The following THUMPD2 variants were observed in gnomAD, a reference collection of about 807,000 sequenced individuals.
The protein encoded by THUMPD2 is THUMP domain 2 tRNA and snRNA guanosine methyltransferase.
THUMPD2 carries 56 observed loss-of-function variants against 49.4 expected under a neutral mutation model. That is an observed-to-expected ratio of 1.13 (90% CI 0.91 to 1.41). The LOEUF is 1.41. Among genes scored for constraint, THUMPD2 ranks in the 40% most tolerant of loss-of-function variants. THUMPD2 has a pLI of 0.00. For synonymous variants in THUMPD2, 237 were observed against 205.2 expected, an observed-to-expected ratio of 1.15 and a Z score of -1.32; for missense variants, 709 against 594.5, an observed-to-expected ratio of 1.19 and a Z score of -2.00.
At chr2:39,771,420 A>C in intron 2 of THUMPD2, 85 bp downstream of exon 2, 1 of 1,367,560 alleles carries the variant, frequency 7.3e-7, no homozygotes, top group Non-Finnish European at 9.9e-7. Flanking sequence ...TTAAAGTGTA[A>C]AATGGCTACA....
intron 5 of THUMPD2, among the ~76,000 whole-genome samples, 157 bp downstream of exon 5, chr2:39,765,900 C>T (rs527804543): frequency 2.0e-5 from 3 of 152,272 alleles, no homozygotes; most frequent in South Asian, 2.1e-4. Context: ...CACTAAGTTC[C>T]GTGAAAATAC....
At chr2:39,765,409 C>T (rs906959637) in intron 5 of THUMPD2, among the ~76,000 whole-genome samples, 2 of 152,048 alleles carry the variant, frequency 1.3e-5, no homozygotes, top group Non-Finnish European at 2.9e-5. Flanking sequence ...CTGCCTGCCT[C>T]GGCGTCCCAA....
intron 1 of THUMPD2, among the ~76,000 whole-genome samples, chr2:39,773,788 C>T (rs996714840): frequency 1.3e-5 from 2 of 151,820 alleles, no homozygotes; most frequent in African/African-American, 2.4e-5. Flanking sequence ...AAACCCAAAA[C>T]TGCAACATTA....
rs1218847619 is a variant in THUMPD2 at position 39,736,940 on chromosome 2, G to A, written c.1307C>T (p.Pro436Leu). Reference protein sequence around the residue: ...FNSKDSHTDEPGIKKCLNPEE... With the variant: ...FNSKDSHTDELGIKKCLNPEE... ...AGGATTCAAGCACTTTTTAATTCCAGGTTCATCTGTGTGACTGTCCTTGGA... is the reference window on the plus strand; with the variant it reads ...AGGATTCAAGCACTTTTTAATTCCAAGTTCATCTGTGTGACTGTCCTTGGA... The change falls in exon 10 of 10, where the codon CCT becomes CTT. Residue 436 changes from proline (P) to leucine (L), a missense_variant. Physicochemically the swap from Pro to Leu is moderately conservative, Grantham distance 98. Coordinates refer to ENST00000505747, the MANE Select transcript of THUMPD2 (RefSeq NM_025264.5). The A allele has an allele frequency of 1.9e-6, 3 of 1,613,896 alleles. No individual in the cohort carries two copies. Among genetic ancestry groups the A allele is most frequent in the Non-Finnish European group, 2.5e-6 (3 of 1,179,994 alleles).
At chr2:39,749,960 C>T (rs1272663373) in intron 8 of THUMPD2, among the ~76,000 whole-genome samples, 12 of 152,158 alleles carry the variant, frequency 7.9e-5, no homozygotes, top group East Asian at 3.8e-4. Flanking sequence ...CAGTATTTTA[C>T]GGTATATATG....
chr2:39,768,381 G>T (rs763533556), intron 4 of THUMPD2, 43 bp downstream of exon 4: 1 of 1,473,262 alleles, frequency 6.8e-7, no homozygotes, highest in East Asian at 2.3e-5. Context: ...TGTCTTTAAA[G>T]AATTAGGTTA....
intron 6 of THUMPD2, 54 bp downstream of exon 6, chr2:39,761,277 A>T: frequency 6.8e-7 from 1 of 1,479,170 alleles, no homozygotes; most frequent in Non-Finnish European, 9.5e-7. Flanking sequence ...AGACTGTATA[A>T]GTTAATTATG....
At chr2:39,752,522 CTGAA>C (rs1251599776) in intron 8 of THUMPD2, among the ~76,000 whole-genome samples, 4 of 152,100 alleles carry the variant, frequency 2.6e-5, no homozygotes, top group Non-Finnish European at 4.4e-5. Context: ...TTTATCTAGC[CTGAA>C]TGTTTACCTC....
At position 39,761,376 on chromosome 2, in the gene THUMPD2, C is replaced by T. The variant is rs891715998; in HGVS notation, c.846G>A (p.Leu282=). The change falls in exon 6 of 10, where the codon CTG becomes CTA. Residue 282 remains leucine, a synonymous_variant. Transcript: ENST00000505747. ...CCATTGCCCACGCTATTGTAGATCGCAGTCCAGCTGTCTTGATGTAAGCTC... is the reference window on the plus strand; with the variant it reads ...CCATTGCCCACGCTATTGTAGATCGTAGTCCAGCTGTCTTGATGTAAGCTC... ...ASRAYIKTAG[L]RSTIAWAMAS... 4.3e-6 allele frequency: 7 copies of T among 1,613,736 alleles called. No homozygotes were observed. Among genetic ancestry groups the T allele is most frequent in the Non-Finnish European group, 5.9e-6 (7 of 1,179,820 alleles).
At chr2:39,755,132 A>C (rs564844690) in intron 8 of THUMPD2, among the ~76,000 whole-genome samples, 163 bp downstream of exon 8, 2 of 151,960 alleles carry the variant, frequency 1.3e-5, no homozygotes, top group African/African-American at 2.4e-5. Context: ...GAACACTTTG[A>C]AAATAAAAAG....
intron 8 of THUMPD2, among the ~76,000 whole-genome samples, chr2:39,750,307 G>A (rs1675220876): frequency 6.6e-6 from 1 of 152,190 alleles, no homozygotes; most frequent in Non-Finnish European, 1.5e-5. Context: ...GGCATGAGAT[G>A]GTTTCCCATT....
intron 5 of THUMPD2, among the ~76,000 whole-genome samples, chr2:39,763,591 TAACTA>T (rs1364665956): frequency 6.6e-6 from 1 of 152,170 alleles, no homozygotes; most frequent in Non-Finnish European, 1.5e-5. Flanking sequence ...CTAGACTCCT[TAACTA>T]TTTTTTGATT....
intron 5 of THUMPD2, 61 bp from the exon 6 acceptor site, chr2:39,761,479 A>G (rs1676818076): frequency 6.9e-7 from 1 of 1,451,476 alleles, no homozygotes; most frequent in Non-Finnish European, 9.6e-7. Context: ...TATAAAAATG[A>G]TTTACCTGTC....
chr2:39,772,239 G>C (rs530343767), intron 1 of THUMPD2, among the ~76,000 whole-genome samples: 188 of 152,298 alleles, frequency 1.2e-3, no homozygotes, highest in Non-Finnish European at 2.4e-3. Context: ...AGCAACATTT[G>C]CTTTATTATG....
In THUMPD2 at chr2:39,760,384, G is replaced by T. The variant is rs150513183; in HGVS notation, c.891+947C>A. Among the ~76,000 whole-genome samples, 277 of 152,118 alleles carry T rather than the reference G, an allele frequency of 1.8e-3. 2 individuals carry two copies. Among genetic ancestry groups the T allele is most frequent in the African/African-American group, 6.3e-3 (262 of 41,498 alleles). ...TCATATATATTTAGTTAAGAGAGCT[G>T]GGAAAAGGACTGTAATGGAATAGAA... is the stretch of plus-strand genomic sequence containing the variant. On this transcript the variant is annotated intron_variant, in intron 6 of 9. Transcript: ENST00000505747.
At chr2:39,747,442 G>A (rs1674759703) in intron 8 of THUMPD2, among the ~76,000 whole-genome samples, 2 of 152,056 alleles carry the variant, frequency 1.3e-5, no homozygotes, top group Admixed American at 6.6e-5. Flanking sequence ...TCTTAAACAC[G>A]CAAAATGTAG....
Position 39,779,213 on chromosome 2 carries a change from C to G in THUMPD2, c.27G>C (p.Gly9=). 1 of 1,503,552 alleles carries G rather than the reference C, an allele frequency of 6.7e-7. No individual in the cohort carries two copies. The highest frequency in any genetic ancestry group is 8.8e-7 in the Non-Finnish European group (1 of 1,132,238). 93.1% of individuals were successfully genotyped at this position (1,503,552 alleles called of 1,614,324 possible). A position where few individuals can be genotyped will look rare whatever the true frequency, so the allele number is the denominator to read the frequency against. ...ATCGGGCGCCAGCCTCAGGCCCGGACCCTGGCTCTCCACGCGCCTCCGACA... is the reference window on the plus strand; with the variant it reads ...ATCGGGCGCCAGCCTCAGGCCCGGAGCCTGGCTCTCCACGCGCCTCCGACA... The part of the protein sequence containing the change: MSEARGEP[G]SGPEAGARFF... Residue 9 remains glycine (G), a synonymous_variant, in exon 1 of 10, where the codon GGG becomes GGC. Transcript: ENST00000505747.
intron 1 of THUMPD2, among the ~76,000 whole-genome samples, chr2:39,773,198 A>G (rs1001896528): frequency 1.3e-5 from 2 of 152,212 alleles, no homozygotes; most frequent in African/African-American, 4.8e-5. Flanking sequence ...AAACTTGAAA[A>G]CAAAGTTTCA....
At chr2:39,763,360 T>G (rs1677078920) in intron 5 of THUMPD2, among the ~76,000 whole-genome samples, 1 of 152,176 alleles carries the variant, frequency 6.6e-6, no homozygotes, top group South Asian at 2.1e-4. Context: ...TTTCATATAT[T>G]GATACATTTC....
Sources: allele counts gnomAD v4.1 joint callset (sites outside exome capture counted in the v4.1 genomes callset), GRCh38; gene constraint gnomAD v4.1.1; transcripts MANE v1.5; gene names NCBI Gene and HGNC (gene_info 2026-07-23, HGNC 2026-07-21).